Variants in LRRC37A2 observed in about 807,000 individuals in gnomAD.
LRRC37A2 encodes leucine-rich repeat-containing protein 37A2.
LRRC37A2 carries 9 observed loss-of-function variants against 68.8 expected under a neutral mutation model. The observed-to-expected ratio is 0.13, with a 90% confidence interval of 0.08 to 0.23. The LOEUF (loss-of-function observed/expected upper bound fraction) is 0.23. LRRC37A2 is among the 10% of genes least tolerant of loss of function. The pLI, the probability that LRRC37A2 is intolerant of heterozygous loss-of-function variation, is 1.00. For synonymous variants in LRRC37A2, 63 were observed against 367.6 expected, an observed-to-expected ratio of 0.17 and a Z score of 9.48; for missense variants, 168 against 950.4, an observed-to-expected ratio of 0.18 and a Z score of 10.82.
the LRRC37A2 span, chr17:46,751,706 ATTAAT>A: frequency 2.8e-6 from 2 of 711,884 alleles, no homozygotes; most frequent in African/African-American, 1.8e-5. Context: ...CAAGGTTTTA[ATTAAT>A]TTAAGTTTTG....
the LRRC37A2 span, among the ~76,000 whole-genome samples, chr17:46,873,154 G>A: frequency 6.6e-6 from 1 of 151,672 alleles, no homozygotes; most frequent in African/African-American, 2.4e-5. Context: ...ACATGAAGAC[G>A]TGAGGATGGG....
the LRRC37A2 span, chr17:47,017,229 A>T: frequency 6.2e-7 from 1 of 1,611,878 alleles, no homozygotes. Flanking sequence ...AGCGTGTGTC[A>T]TGTCCCGGCT....
the LRRC37A2 span, among the ~76,000 whole-genome samples, chr17:46,790,969 C>T: frequency 1.8e-4 from 28 of 152,346 alleles, no homozygotes; most frequent in African/African-American, 6.3e-4. Flanking sequence ...CCTGACTCCT[C>T]GTTTCCTCTG....
At chr17:46,936,853 G>A in the LRRC37A2 span, 1 of 983,352 alleles carries the variant, frequency 1.0e-6, no homozygotes, top group African/African-American at 1.8e-5. Context: ...CTCTGGCTGA[G>A]GCTTCTTAAT....
the LRRC37A2 span, among the ~76,000 whole-genome samples, chr17:46,966,380 C>G: frequency 6.6e-6 from 1 of 152,192 alleles, no homozygotes; most frequent in African/African-American, 2.4e-5. Flanking sequence ...CCTCACACCT[C>G]TTCAAGGCCC....
the LRRC37A2 span, among the ~76,000 whole-genome samples, chr17:46,879,957 C>T: frequency 6.6e-6 from 1 of 152,260 alleles, no homozygotes; most frequent in Non-Finnish European, 1.5e-5. Context: ...GCTTGGGCTA[C>T]ACCACTGGGC....
At chr17:46,969,509 G>T in the LRRC37A2 span, among the ~76,000 whole-genome samples, 1 of 152,216 alleles carries the variant, frequency 6.6e-6, no homozygotes. Flanking sequence ...GGCCAGAGTT[G>T]CTTTCTTATG....
At chr17:47,004,990 A>G in the LRRC37A2 span, among the ~76,000 whole-genome samples, 1 of 152,214 alleles carries the variant, frequency 6.6e-6, no homozygotes, top group African/African-American at 2.4e-5. Context: ...CTTGCAAGGA[A>G]ACTTTGAAGA....
At chr17:47,010,676 C>T in the LRRC37A2 span, 17,421 of 152,260 alleles carry the variant, frequency 0.11, 1,102 homozygotes, top group South Asian at 0.22. Context: ...TGGCGAGGAA[C>T]AGGAGGCTCC....
At chr17:46,728,822 A>G in the LRRC37A2 span, 1 of 1,482,018 alleles carries the variant, frequency 6.7e-7, no homozygotes, top group South Asian at 1.2e-5. Flanking sequence ...CATGTGTATC[A>G]AATCCCTAAA....
chr17:46,601,719 C>G, the LRRC37A2 span, among the ~76,000 whole-genome samples: 2 of 149,236 alleles, frequency 1.3e-5, no homozygotes, highest in Non-Finnish European at 2.9e-5. Flanking sequence ...TTTCATAATT[C>G]TTTTTGTCCA....
At chr17:46,910,351 C>T in the LRRC37A2 span, among the ~76,000 whole-genome samples, 1 of 152,166 alleles carries the variant, frequency 6.6e-6, no homozygotes, top group African/African-American at 2.4e-5. Context: ...ACAACCTCCG[C>T]TTCCACACTG....
chr17:46,900,461 G>C, the LRRC37A2 span, among the ~76,000 whole-genome samples: 1 of 152,004 alleles, frequency 6.6e-6, no homozygotes, highest in Non-Finnish European at 1.5e-5. Flanking sequence ...TGTTGGCCAG[G>C]CTGGTTTCCA....
the LRRC37A2 span, among the ~76,000 whole-genome samples, chr17:46,767,842 C>A: frequency 6.6e-6 from 1 of 151,942 alleles, no homozygotes; most frequent in East Asian, 1.9e-4. Flanking sequence ...TGGATGGAGT[C>A]CAGTGGTGCA....
chr17:46,902,781 G>A, the LRRC37A2 span, among the ~76,000 whole-genome samples: 1 of 152,156 alleles, frequency 6.6e-6, no homozygotes, highest in Admixed American at 6.5e-5. Context: ...GATAGAGAGA[G>A]CCCTGGTTTT....
At chr17:46,477,567 T>A in the LRRC37A2 span, among the ~76,000 whole-genome samples, 1 of 68,212 alleles carries the variant, frequency 1.5e-5, no homozygotes, top group East Asian at 2.6e-4. Context: ...AAAGTTGTAA[T>A]ATGTCAGAGG....
the LRRC37A2 span, among the ~76,000 whole-genome samples, chr17:46,973,421 C>A: frequency 6.6e-6 from 1 of 152,100 alleles, no homozygotes; most frequent in Admixed American, 6.6e-5. Flanking sequence ...CCTTAGCCTC[C>A]CAAATTACTG....
the LRRC37A2 span, among the ~76,000 whole-genome samples, chr17:46,609,201 T>C: frequency 2.0e-5 from 3 of 148,592 alleles, no homozygotes; most frequent in South Asian, 6.3e-4. Context: ...ACCCTGGGTG[T>C]GTTCACTTGT....
the LRRC37A2 span, chr17:46,941,994 A>G: frequency 9.2e-6 from 9 of 977,666 alleles, no homozygotes; most frequent in Non-Finnish European, 8.5e-6. Flanking sequence ...GTTAAGTCCA[A>G]AATAAATTCT....
Sources: allele counts gnomAD v4.1 joint callset (sites outside exome capture counted in the v4.1 genomes callset), GRCh38; gene constraint gnomAD v4.1.1; transcripts MANE v1.5; gene names NCBI Gene and HGNC (gene_info 2026-07-23, HGNC 2026-07-21).